Variants in EYA1 observed in about 807,000 individuals in gnomAD.
EYA1 encodes EYA transcriptional coactivator and phosphatase 1.
A neutral mutation model predicts 82.0 loss-of-function variants in EYA1; 16 were observed. The ratio of observed to expected loss-of-function variants is 0.20; its 90% confidence interval spans 0.13 to 0.30. EYA1 has a LOEUF of 0.30. Ranked by LOEUF, EYA1 falls within the 10% of genes least tolerant of loss-of-function variation. The probability of loss-of-function intolerance (pLI) is 1.00; values close to 1 mark genes in which losing one functional copy is unlikely to be tolerated. For missense variants in EYA1, 633 were observed against 730.7 expected, an observed-to-expected ratio of 0.87 and a Z score of 1.54; for synonymous variants, 261 against 264.4, an observed-to-expected ratio of 0.99 and a Z score of 0.12.
rs115366984 is a variant in EYA1 at position 71,243,707 on chromosome 8, C to A, written c.1140+896G>T. ...TTTGGCTCATCTATTAAATAAGGTG[C>A]ATTTTGCTTGATTTTGAAAAGGGAA... is the stretch of plus-strand genomic sequence containing the variant. On this transcript the variant is annotated intron_variant, in intron 12 of 17. Coordinates refer to ENST00000340726, the MANE Select transcript of EYA1 (RefSeq NM_000503.6). Among the ~76,000 whole-genome samples the A allele has an allele frequency of 7.3e-3, 1,112 of 152,256 alleles. 9 individuals are homozygous for A. The highest frequency in any genetic ancestry group is 0.025 in the African/African-American group (1,053 of 41,550).
chr8:71,354,984 A>C, intron 2 of EYA1, 75 bp from the exon 3 acceptor site: 1 of 1,430,106 alleles, frequency 7.0e-7, no homozygotes, highest in Non-Finnish European at 9.8e-7. Flanking sequence ...TAATGACTTG[A>C]CACCTTTGAA....
Position 71,215,496 on chromosome 8 carries a change from C to G in EYA1, c.1488G>C (p.Val496=). 1 of 1,613,760 alleles carries G rather than the reference C, an allele frequency of 6.2e-7. No homozygotes were observed. The highest frequency in any genetic ancestry group is 8.5e-7 in the Non-Finnish European group (1 of 1,179,698). The change falls in exon 16 of 18, where the codon GTG becomes GTC. Residue 496 remains valine, a synonymous_variant. Transcript: ENST00000340726. ...GCTGAGTAGTTGTTACTAAAATATT[C>G]ACACAGTTTGTCCTATGAGAACAAA... The part of the protein sequence containing the change: ...LSLIHSRTNC[V]NILVTTTQLI...
At chr8:71,202,139 C>G (rs1186878031) in intron 17 of EYA1, among the ~76,000 whole-genome samples, 1 of 152,022 alleles carries the variant, frequency 6.6e-6, no homozygotes, top group East Asian at 1.9e-4. Flanking sequence ...TCCATATGTT[C>G]CCCACAGACA....
rs569323868 is a variant in EYA1 at position 71,406,336 on chromosome 8, T to G, written c.34-49825A>C. On this transcript the variant is annotated intron_variant, in intron 2 of 18. Coordinates refer to the EYA1 transcript ENST00000643681. ...ACAGAAATGAGAATTAAGTAGATATTTGATGACATAAAGAAATTGTTGTTG... is the reference window on the plus strand; with the variant it reads ...ACAGAAATGAGAATTAAGTAGATATGTGATGACATAAAGAAATTGTTGTTG... Among the ~76,000 whole-genome samples the G allele has an allele frequency of 5.9e-5, 9 of 152,322 alleles. No homozygotes were observed. In the East Asian group the frequency reaches 1.7e-3, roughly 29 times the overall value.
At chr8:71,218,167 C>G (rs894695925) in intron 12 of EYA1, among the ~76,000 whole-genome samples, 3 of 152,066 alleles carry the variant, frequency 2.0e-5, no homozygotes, top group African/African-American at 7.2e-5. Context: ...TTTCCAGGCG[C>G]ACATCCTGTA....
intron 2 of EYA1, among the ~76,000 whole-genome samples, chr8:71,368,546 C>T (rs1468198674): frequency 6.6e-6 from 1 of 152,020 alleles, no homozygotes; most frequent in Non-Finnish European, 1.5e-5. Flanking sequence ...CAAAAACCTG[C>T]CTAAGAATCC....
rs7002266 is a variant in EYA1, at chr8:71,302,735, C to T, written c.557-3015G>A. 4.1e-3 allele frequency among the ~76,000 whole-genome samples: 581 copies of T among 141,910 alleles called. 44 individuals are homozygous for T. The highest frequency in any genetic ancestry group is 0.013 in the African/African-American group (515 of 40,284). The allele number at this position is 141,910 out of a possible 152,430, so 93.1% of individuals were successfully genotyped here. ...CTTAGGCAAACAGAGCTGCTAAACT[C>T]GGACCAGGCCACAGCAGGGGACTTC... On this transcript the variant is annotated intron_variant, in intron 7 of 17. Coordinates refer to ENST00000340726, the MANE Select transcript of EYA1 (RefSeq NM_000503.6).
intron 12 of EYA1, among the ~76,000 whole-genome samples, chr8:71,227,056 T>C (rs954574736): frequency 1.3e-5 from 2 of 152,180 alleles, no homozygotes; most frequent in Non-Finnish European, 2.9e-5. Flanking sequence ...ATTAAAATAT[T>C]ACACATATTT....
chr8:71,338,071 CAA>C (rs1297537335), intron 3 of EYA1, among the ~76,000 whole-genome samples: 1 of 152,226 alleles, frequency 6.6e-6, no homozygotes, highest in South Asian at 2.1e-4. Context: ...TACGACAAAT[CAA>C]AGTCTTTCTT....
At chr8:71,484,103 G>T (rs1324839742) in intron 2 of EYA1, among the ~76,000 whole-genome samples, 2 of 152,168 alleles carry the variant, frequency 1.3e-5, no homozygotes, top group African/African-American at 4.8e-5. Flanking sequence ...AGGTAATATA[G>T]CAGGATAGCC....
intron 9 of EYA1, among the ~76,000 whole-genome samples, chr8:71,286,227 T>C (rs906033120): frequency 1.3e-5 from 2 of 152,128 alleles, no homozygotes; most frequent in African/African-American, 4.8e-5. Context: ...GTGTTCCCAT[T>C]ATAGAGATGG....
intron 2 of EYA1, among the ~76,000 whole-genome samples, chr8:71,448,142 C>T (rs969555688): frequency 1.3e-5 from 2 of 151,838 alleles, no homozygotes; most frequent in Non-Finnish European, 2.9e-5. Flanking sequence ...GTACTACAGG[C>T]ACATGCTACC....
At chr8:71,277,298 G>A (rs7830345) in intron 9 of EYA1, among the ~76,000 whole-genome samples, 2,044 of 151,704 alleles carry the variant, frequency 0.013, 41 homozygotes, top group African/African-American at 0.047. Flanking sequence ...GGCACATGAC[G>A]TGACACCAGG....
chr8:71,493,764 C>T (rs1282281467), intron 2 of EYA1, among the ~76,000 whole-genome samples: 4 of 151,278 alleles, frequency 2.6e-5, no homozygotes, highest in African/African-American at 4.8e-5. Flanking sequence ...TGGCTCACGC[C>T]TGTAATCCCA....
chr8:71,301,716 C>T (rs1586257797), intron 7 of EYA1, among the ~76,000 whole-genome samples: 1 of 152,246 alleles, frequency 6.6e-6, no homozygotes, highest in East Asian at 1.9e-4. Flanking sequence ...AGGCAGAGAG[C>T]TCTCACAGTG....
At chr8:71,339,241 C>A (rs755586378) in intron 3 of EYA1, among the ~76,000 whole-genome samples, 1 of 152,170 alleles carries the variant, frequency 6.6e-6, no homozygotes, top group South Asian at 2.1e-4. Context: ...GAGCCAGCCA[C>A]GTCTAGCTCC....
intron 3 of EYA1, among the ~76,000 whole-genome samples, chr8:71,344,929 G>C (rs1007272798): frequency 6.6e-6 from 1 of 152,064 alleles, no homozygotes; most frequent in Non-Finnish European, 1.5e-5. Flanking sequence ...CAACTCACAG[G>C]AGCACCCAGA....
At chr8:71,477,258 A>T (rs538845745) in intron 2 of EYA1, among the ~76,000 whole-genome samples, 19 of 152,282 alleles carry the variant, frequency 1.2e-4, no homozygotes, top group African/African-American at 4.3e-4. Flanking sequence ...TGTGTTTTAA[A>T]CTATCATAAA....
intron 2 of EYA1, among the ~76,000 whole-genome samples, chr8:71,441,207 C>T (rs1322920498): frequency 6.6e-6 from 1 of 152,112 alleles, no homozygotes; most frequent in South Asian, 2.1e-4. Flanking sequence ...TATAGATACA[C>T]CTATGATCTG....
Sources: allele counts gnomAD v4.1 joint callset (sites outside exome capture counted in the v4.1 genomes callset), GRCh38; gene constraint gnomAD v4.1.1; transcripts MANE v1.5; gene names NCBI Gene and HGNC (gene_info 2026-07-23, HGNC 2026-07-21).